Variants in RAD51B observed in about 807,000 individuals in gnomAD.
RAD51B encodes DNA repair protein RAD51 homolog 2.
A neutral mutation model predicts 42.2 loss-of-function variants in RAD51B; 38 were observed. The observed-to-expected ratio is 0.90, with a 90% confidence interval of 0.70 to 1.18. The LOEUF (loss-of-function observed/expected upper bound fraction) is 1.18, where lower values mean the gene tolerates loss of function less well. Ranked by LOEUF, RAD51B falls within the 50% of genes most tolerant of loss-of-function variation. The pLI, the probability that RAD51B is intolerant of heterozygous loss-of-function variation, is 0.00. For synonymous variants in RAD51B, 154 were observed against 145.2 expected, an observed-to-expected ratio of 1.06 and a Z score of -0.43; for missense variants, 373 against 400.7, an observed-to-expected ratio of 0.93 and a Z score of 0.59.
intron 7 of RAD51B, among the ~76,000 whole-genome samples, chr14:68,234,595 A>G (rs2080210231): frequency 6.6e-6 from 1 of 152,222 alleles, no homozygotes; most frequent in Non-Finnish European, 1.5e-5. Flanking sequence ...GGCAATTGGA[A>G]CACAATGGCA....
intron 10 of RAD51B, chr14:68,563,855 T>C: frequency 1.0e-6 from 1 of 985,468 alleles, no homozygotes; most frequent in Non-Finnish European, 1.2e-6. Flanking sequence ...GAAGTTGGTT[T>C]CCGATCCCTG....
At chr14:68,365,765 C>CT (rs1460361509) in intron 8 of RAD51B, among the ~76,000 whole-genome samples, 1 of 152,126 alleles carries the variant, frequency 6.6e-6, no homozygotes, top group African/African-American at 2.4e-5. Flanking sequence ...CCTGTCTTTT[C>CT]TTTTTTTACT....
intron 7 of RAD51B, among the ~76,000 whole-genome samples, chr14:67,891,205 T>TGC (rs2043208811): frequency 6.6e-6 from 1 of 152,130 alleles, no homozygotes; most frequent in Non-Finnish European, 1.5e-5. Flanking sequence ...CAGTTAACAC[T>TGC]ATTTACAAAA....
intron 7 of RAD51B, among the ~76,000 whole-genome samples, chr14:68,164,977 G>T (rs375766928): frequency 1.3e-5 from 2 of 152,286 alleles, no homozygotes; most frequent in East Asian, 3.9e-4. Flanking sequence ...CCCAGGGCCA[G>T]ATAAAACATT....
In RAD51B at chr14:68,171,590, G is replaced by A. The variant is rs547763130; in HGVS notation, c.757-120294G>A. On this transcript the variant is annotated intron_variant, in intron 7 of 10. Transcript: ENST00000471583. Reference sequence around the variant, plus strand: ...TGCTGGGATTACAGGCATAAGAACCGCACCCAGCCTACAGTGTCTTTTACT... The same window carrying A: ...TGCTGGGATTACAGGCATAAGAACCACACCCAGCCTACAGTGTCTTTTACT... Among the ~76,000 whole-genome samples, 7 of 150,218 alleles carry A rather than the reference G, an allele frequency of 4.7e-5. No individual in the cohort carries two copies. The South Asian group carries it at 8.5e-4, about 18-fold the overall frequency.
intron 8 of RAD51B, among the ~76,000 whole-genome samples, chr14:68,384,589 T>C (rs1056874222): frequency 6.6e-6 from 1 of 152,194 alleles, no homozygotes; most frequent in African/African-American, 2.4e-5. Flanking sequence ...GCAGCGCCTC[T>C]CTCCACTGCC....
chr14:68,331,782 A>G (rs2082357035), intron 8 of RAD51B, among the ~76,000 whole-genome samples: 1 of 152,198 alleles, frequency 6.6e-6, no homozygotes, highest in Non-Finnish European at 1.5e-5. Flanking sequence ...ACAATCAATT[A>G]TCCTGCATAG....
At chr14:68,226,169 G>A (rs887791070) in intron 7 of RAD51B, among the ~76,000 whole-genome samples, 2 of 152,164 alleles carry the variant, frequency 1.3e-5, no homozygotes, top group African/African-American at 2.4e-5. Context: ...TGTCTCTGAT[G>A]TACTGCAATT....
At chr14:68,430,188 T>C (rs1233013744) in intron 9 of RAD51B, among the ~76,000 whole-genome samples, 1 of 152,224 alleles carries the variant, frequency 6.6e-6, no homozygotes, top group Non-Finnish European at 1.5e-5. Flanking sequence ...GGGTGATGCC[T>C]CCAGCTGTGT....
chr14:67,829,489 G>A (rs1329546161), intron 3 of RAD51B, among the ~76,000 whole-genome samples: 3 of 151,976 alleles, frequency 2.0e-5, no homozygotes, highest in Non-Finnish European at 2.9e-5. Context: ...TGATCCGCCC[G>A]CCTCGGCCTC....
At chr14:68,413,709 G>A (rs535223519) in intron 9 of RAD51B, among the ~76,000 whole-genome samples, 1 of 152,190 alleles carries the variant, frequency 6.6e-6, no homozygotes, top group Non-Finnish European at 1.5e-5. Context: ...TCTTTCCTGT[G>A]GTCTTATTTT....
chr14:67,939,194 T>A (rs904746730), intron 7 of RAD51B, among the ~76,000 whole-genome samples: 3 of 152,114 alleles, frequency 2.0e-5, no homozygotes, highest in Non-Finnish European at 2.9e-5. Context: ...GATAAAGGCT[T>A]TACTCTTCCC....
At chr14:68,464,481 C>G (rs2085924365) in intron 9 of RAD51B, among the ~76,000 whole-genome samples, 1 of 152,124 alleles carries the variant, frequency 6.6e-6, no homozygotes, top group Non-Finnish European at 1.5e-5. Context: ...CAGTTCTGTT[C>G]CCTGCTAGAT....
At chr14:68,558,220 G>A (rs926942989) in intron 10 of RAD51B, among the ~76,000 whole-genome samples, 7 of 152,176 alleles carry the variant, frequency 4.6e-5, no homozygotes, top group African/African-American at 1.2e-4. Context: ...GTTGGTTTCC[G>A]TTGGAAGTAG....
At chr14:67,834,878 C>T (rs549375103) in intron 3 of RAD51B, among the ~76,000 whole-genome samples, 24 of 152,226 alleles carry the variant, frequency 1.6e-4, no homozygotes, top group East Asian at 1.4e-3. Context: ...GTGAGGGCAA[C>T]GTCTCTCTCT....
At chr14:68,001,309 T>C (rs562918517) in intron 7 of RAD51B, among the ~76,000 whole-genome samples, 3 of 152,242 alleles carry the variant, frequency 2.0e-5, no homozygotes, top group South Asian at 2.1e-4. Context: ...AGTGTCATAG[T>C]GGGATTTTTT....
chr14:68,507,198 C>T (rs1885393677), intron 10 of RAD51B, among the ~76,000 whole-genome samples: 1 of 152,110 alleles, frequency 6.6e-6, no homozygotes, highest in Non-Finnish European at 1.5e-5. Flanking sequence ...AAGTAGAGCT[C>T]TAATTTTAGA....
chr14:68,355,120 C>G (rs967137617), intron 8 of RAD51B, among the ~76,000 whole-genome samples: 2 of 152,138 alleles, frequency 1.3e-5, no homozygotes, highest in African/African-American at 4.8e-5. Flanking sequence ...ATGGGAGCTC[C>G]CATACTGTAG....
chr14:68,676,201 T>A (rs1414145415), intron 11 of RAD51B, among the ~76,000 whole-genome samples: 1 of 152,124 alleles, frequency 6.6e-6, no homozygotes, highest in African/African-American at 2.4e-5. Flanking sequence ...GCCTATGGGG[T>A]AAGTGCAACT....
Sources: allele counts gnomAD v4.1 joint callset (sites outside exome capture counted in the v4.1 genomes callset), GRCh38; gene constraint gnomAD v4.1.1; transcripts MANE v1.5; gene names NCBI Gene and HGNC (gene_info 2026-07-23, HGNC 2026-07-21).